The following SLC44A5 variants were observed in gnomAD, a reference collection of about 807,000 sequenced individuals.
The protein encoded by SLC44A5 is choline transporter-like protein 5.
In SLC44A5, 57 loss-of-function variants were observed where a neutral mutation model predicts 101.8. That is an observed-to-expected ratio of 0.56 (90% CI 0.45 to 0.70). The LOEUF (loss-of-function observed/expected upper bound fraction) is 0.70. Ranked by LOEUF, SLC44A5 falls within the 30% of genes least tolerant of loss-of-function variation. The pLI is 0.00. For missense variants in SLC44A5, 737 were observed against 853.1 expected (o/e 0.86, Z 1.70); for synonymous variants, 281 against 290.9 (o/e 0.97, Z 0.35).
At chr1:75,647,512 C>T in the SLC44A5 span, among the ~76,000 whole-genome samples, 1 of 152,144 alleles carries the variant, frequency 6.6e-6, no homozygotes, top group Non-Finnish European at 1.5e-5. Context: ...ATGGTAGATC[C>T]ACTGACAGCT....
At chr1:75,390,428 G>T (rs527873405) in intron 3 of SLC44A5, among the ~76,000 whole-genome samples, 1 of 143,034 alleles carries the variant, frequency 7.0e-6, no homozygotes, top group East Asian at 2.0e-4. Context: ...AAAAAAAAAT[G>T]AGCAAATCAA....
At chr1:75,621,964 C>T in the SLC44A5 span, among the ~76,000 whole-genome samples, 1 of 152,088 alleles carries the variant, frequency 6.6e-6, no homozygotes, top group Admixed American at 6.6e-5. Flanking sequence ...CCATTATGTA[C>T]ACATGAGACT....
chr1:75,663,938 C>T, the SLC44A5 span, among the ~76,000 whole-genome samples: 1 of 152,134 alleles, frequency 6.6e-6, no homozygotes, highest in African/African-American at 2.4e-5. Context: ...AATCCAGTGG[C>T]ATATCAAAAA....
At chr1:75,700,776 G>T in the SLC44A5 span, among the ~76,000 whole-genome samples, 1 of 151,910 alleles carries the variant, frequency 6.6e-6, no homozygotes, top group African/African-American at 2.4e-5. Context: ...TAATAAAGAA[G>T]AAAAGAGAGA....
chr1:75,274,770 A>G (rs1651779887), intron 6 of SLC44A5, among the ~76,000 whole-genome samples, 188 bp downstream of exon 6: 1 of 152,220 alleles, frequency 6.6e-6, no homozygotes, highest in African/African-American at 2.4e-5. Context: ...TAACACTGAC[A>G]TCATGTCTTA....
chr1:75,489,048 A>G (rs535148527), intron 2 of SLC44A5, among the ~76,000 whole-genome samples: 1 of 152,100 alleles, frequency 6.6e-6, no homozygotes, highest in East Asian at 1.9e-4. Flanking sequence ...GGGTTTCTCC[A>G]TGTTGGTCAG....
chr1:75,704,444 C>T, the SLC44A5 span, among the ~76,000 whole-genome samples: 4 of 152,060 alleles, frequency 2.6e-5, no homozygotes, highest in African/African-American at 9.7e-5. Flanking sequence ...TGCAAAATAC[C>T]GATACCTCAG....
intron 3 of SLC44A5, among the ~76,000 whole-genome samples, chr1:75,340,399 C>T (rs1420234892): frequency 6.6e-6 from 1 of 152,112 alleles, no homozygotes; most frequent in Non-Finnish European, 1.5e-5. Flanking sequence ...TCCCCTACAA[C>T]CTAAGCACTC....
chr1:75,469,354 T>G (rs1666981339), intron 2 of SLC44A5, among the ~76,000 whole-genome samples: 1 of 152,176 alleles, frequency 6.6e-6, no homozygotes, highest in Non-Finnish European at 1.5e-5. Flanking sequence ...AAAATACTTA[T>G]GAAAGGTAAA....
At chr1:75,376,589 G>C (rs1472042752) in intron 3 of SLC44A5, among the ~76,000 whole-genome samples, 1 of 152,110 alleles carries the variant, frequency 6.6e-6, no homozygotes, top group Non-Finnish European at 1.5e-5. Context: ...TCACACGGCA[G>C]GGTACTCCAA....
the SLC44A5 span, among the ~76,000 whole-genome samples, chr1:75,670,159 A>T: frequency 6.6e-6 from 1 of 152,192 alleles, no homozygotes; most frequent in Non-Finnish European, 1.5e-5. Context: ...TACAGAAAAT[A>T]GTCATATTTC....
chr1:75,511,435 C>T (rs961247199), intron 2 of SLC44A5, among the ~76,000 whole-genome samples: 11 of 152,036 alleles, frequency 7.2e-5, no homozygotes, highest in Admixed American at 1.3e-4. Context: ...AACACAGCTA[C>T]GATAAAAGCA....
intron 1 of SLC44A5, among the ~76,000 whole-genome samples, chr1:75,579,713 C>A (rs1673573923): frequency 2.6e-5 from 4 of 151,874 alleles, no homozygotes; most frequent in Admixed American, 2.6e-4. Flanking sequence ...AAAGGTTTCT[C>A]AATAGATAAG....
At chr1:75,466,367 A>G (rs1349414439) in intron 2 of SLC44A5, among the ~76,000 whole-genome samples, 1 of 152,148 alleles carries the variant, frequency 6.6e-6, no homozygotes, top group Non-Finnish European at 1.5e-5. Context: ...AAATAGAAAG[A>G]ACACACTGGC....
intron 2 of SLC44A5, among the ~76,000 whole-genome samples, chr1:75,532,291 C>T (rs1670761567): frequency 6.6e-6 from 1 of 152,234 alleles, no homozygotes; most frequent in Non-Finnish European, 1.5e-5. Flanking sequence ...AAATCCACCT[C>T]TTACACTTAA....
At chr1:75,281,093 A>T (rs1163106661) in intron 5 of SLC44A5, among the ~76,000 whole-genome samples, 1 of 152,012 alleles carries the variant, frequency 6.6e-6, no homozygotes, top group Non-Finnish European at 1.5e-5. Context: ...AACTTCCTAG[A>T]GACTTGGAGG....
the SLC44A5 span, among the ~76,000 whole-genome samples, chr1:75,684,491 A>G: frequency 6.6e-6 from 1 of 152,238 alleles, no homozygotes; most frequent in Non-Finnish European, 1.5e-5. Context: ...TTTCCTAGAT[A>G]CAATGGGGAT....
At chr1:75,615,670 C>T (rs1258660790), upstream of SLC44A5, among the ~76,000 whole-genome samples, 3 of 152,028 alleles carry the variant, frequency 2.0e-5, no homozygotes, top group Admixed American at 6.5e-5. Context: ...CTGTCAGTGT[C>T]CCCGGAGGCC....
intron 4 of SLC44A5, among the ~76,000 whole-genome samples, chr1:75,323,033 T>TG (rs1437004839): frequency 6.6e-6 from 1 of 151,074 alleles, no homozygotes; most frequent in Non-Finnish European, 1.5e-5. Flanking sequence ...GCTGGTGCGC[T>TG]GCACCCACTA....
Sources: gnomAD v4.1 joint callset for allele counts (sites outside exome capture counted in the v4.1 genomes callset) on GRCh38, gnomAD v4.1.1 for gene constraint, MANE v1.5 for transcripts, NCBI Gene and HGNC (gene_info 2026-07-23, HGNC 2026-07-21) for gene names.